The following WDR91 variants were observed in gnomAD, a reference collection of about 807,000 sequenced individuals.
WDR91 encodes WD repeat domain 91, also known as WD repeat-containing protein 91.
WDR91 carries 52 observed loss-of-function variants against 88.4 expected under a neutral mutation model. The observed-to-expected ratio is 0.59, with a 90% CI of 0.47 to 0.74. WDR91 has a LOEUF of 0.74. Ranked by LOEUF, WDR91 falls within the 30% of genes least tolerant of loss-of-function variation. The probability of loss-of-function intolerance (pLI) is 0.00; values close to 1 mark genes in which losing one functional copy is unlikely to be tolerated. For missense variants in WDR91, 824 were observed against 954.5 expected, an observed-to-expected ratio of 0.86 and a Z score of 1.80; for synonymous variants, 362 against 389.5, an observed-to-expected ratio of 0.93 and a Z score of 0.83.
chr7:135,208,095 G>A (rs1000243621), intron 3 of WDR91, among the ~76,000 whole-genome samples: 10 of 152,238 alleles, frequency 6.6e-5, no homozygotes, highest in African/African-American at 2.4e-4. Flanking sequence ...CCATGGGTGG[G>A]CCTCTAAACA....
chr7:135,194,004 A>C, intron 9 of WDR91: 1 of 277,150 alleles, frequency 3.6e-6, no homozygotes, highest in Non-Finnish European at 7.0e-6. Context: ...AGCTGTTGGA[A>C]CCCTTCCTTC....
At chr7:135,199,985 T>C (rs1368706078) in intron 6 of WDR91, 1 of 152,202 alleles carries the variant, frequency 6.6e-6, no homozygotes, top group African/African-American at 2.4e-5. Context: ...AAGGAAGGCA[T>C]CTGGTACAGA....
chr7:135,210,882 T>C (rs202137799), intron 1 of WDR91: 1 of 703,742 alleles, frequency 1.4e-6, no homozygotes, highest in Non-Finnish European at 2.6e-6. Context: ...GTTTCTCTAA[T>C]GTGCCATGAG....
chr7:135,186,337 G>A (rs759718551), intron 14 of WDR91, 22 bp from the exon 15 acceptor site: 8 of 1,607,236 alleles, frequency 5.0e-6, no homozygotes, highest in Non-Finnish European at 5.9e-6. Context: ...CAGGAAAGAG[G>A]AGGAGGTGTC....
chr7:135,186,947 C>A (rs1417803343), intron 14 of WDR91, 25 bp downstream of exon 14: 8 of 1,612,460 alleles, frequency 5.0e-6, no homozygotes, highest in South Asian at 3.3e-5. Flanking sequence ...AATACCACTA[C>A]CTCCCACCCC....
At position 135,208,921 on chromosome 7, in the gene WDR91, A is replaced by G. The variant is rs777846123; in HGVS notation, c.381T>C (p.Asp127=). 4 of 1,614,144 alleles carry G rather than the reference A, an allele frequency of 2.5e-6. No individual in the cohort carries two copies. Among genetic ancestry groups the G allele is most frequent in the South Asian group, 1.1e-5 (1 of 91,082 alleles). The change falls in exon 3 of 15, where the codon GAT becomes GAC. Residue 127 remains aspartate (D), a synonymous_variant. Transcript: ENST00000354475. ...ATGGCAGGAAGGGCAGGACAAACCAATCCTTCCACTCAGCCTGGTTCTGGA... is the reference window on the plus strand; with the variant it reads ...ATGGCAGGAAGGGCAGGACAAACCAGTCCTTCCACTCAGCCTGGTTCTGGA... The part of the protein sequence containing the change: ...TELQNQAEWK[D]WFVLPFLPSP...
intron 3 of WDR91, among the ~76,000 whole-genome samples, chr7:135,208,288 A>G (rs560276723): frequency 5.9e-5 from 9 of 152,286 alleles, no homozygotes; most frequent in African/African-American, 1.2e-4. Flanking sequence ...CCGCATATAT[A>G]TTCTTAAAGC....
At chr7:135,190,652 A>G (rs1831128785) in intron 11 of WDR91, among the ~76,000 whole-genome samples, 1 of 149,324 alleles carries the variant, frequency 6.7e-6, no homozygotes, top group Admixed American at 6.8e-5. Context: ...AAAATGAGAG[A>G]CTATAAACAC....
chr7:135,199,860 G>A (rs771962582), intron 6 of WDR91: 6 of 152,126 alleles, frequency 3.9e-5, no homozygotes, highest in Non-Finnish European at 8.8e-5. Context: ...GGAAGGAGGA[G>A]GCTTCGAATT....
At chr7:135,203,650 T>A (rs1831653463) in intron 6 of WDR91, among the ~76,000 whole-genome samples, 1 of 152,244 alleles carries the variant, frequency 6.6e-6, no homozygotes, top group Non-Finnish European at 1.5e-5. Flanking sequence ...AGCCAAACAC[T>A]ATTTTTATAT....
intron 6 of WDR91, chr7:135,200,113 T>C (rs1270789671): frequency 2.0e-5 from 3 of 152,238 alleles, no homozygotes; most frequent in Non-Finnish European, 2.9e-5. Flanking sequence ...CTTAAATCTA[T>C]GTTAATCACT....
chr7:135,206,113 G>A (rs1468231761), intron 4 of WDR91, 55 bp from the exon 5 acceptor site: 23 of 1,611,678 alleles, frequency 1.4e-5, no homozygotes, highest in South Asian at 7.7e-5. Context: ...TTCCCTCTGC[G>A]GAGGAAGATT....
chr7:135,187,475 G>A (rs1364410171), intron 13 of WDR91, among the ~76,000 whole-genome samples: 3 of 152,190 alleles, frequency 2.0e-5, no homozygotes, highest in East Asian at 1.9e-4. Flanking sequence ...CCCTAGGAGA[G>A]GAAAAGGGAC....
At chr7:135,186,444 G>C in intron 14 of WDR91, 129 bp from the exon 15 acceptor site, 2 of 1,056,472 alleles carry the variant, frequency 1.9e-6, no homozygotes, top group Non-Finnish European at 2.7e-6. Context: ...CAGAAAGTCT[G>C]TTTAACTTTT....
At chr7:135,186,806 C>A (rs1830960834) in intron 14 of WDR91, among the ~76,000 whole-genome samples, 166 bp downstream of exon 14, 1 of 152,240 alleles carries the variant, frequency 6.6e-6, no homozygotes, top group Non-Finnish European at 1.5e-5. Context: ...ACATGGCTCT[C>A]CTCTGAACCC....
intron 12 of WDR91, among the ~76,000 whole-genome samples, chr7:135,189,049 C>T (rs1313727128): frequency 2.0e-5 from 3 of 152,220 alleles, no homozygotes; most frequent in African/African-American, 4.8e-5. Context: ...GACAGCAGTA[C>T]TCTTGTATGC....
intron 5 of WDR91, among the ~76,000 whole-genome samples, chr7:135,204,989 G>C (rs1462253900): frequency 6.6e-6 from 1 of 152,034 alleles, no homozygotes; most frequent in East Asian, 1.9e-4. Context: ...ACCACCACTA[G>C]AGCTATTTCA....
At chr7:135,200,028 AC>A (rs1275347714) in intron 6 of WDR91, 1 of 152,274 alleles carries the variant, frequency 6.6e-6, no homozygotes, top group Admixed American at 6.5e-5. Context: ...AGGGCAGTTT[AC>A]GCCAAGACAG....
In WDR91 at chr7:135,185,351, T is replaced by C. The variant is rs1830897306; in HGVS notation, c.*800A>G. 1 of 152,204 alleles carries C rather than the reference T, an allele frequency of 6.6e-6. No individual in the cohort carries two copies. Among genetic ancestry groups the C allele is most frequent in the African/African-American group, 2.4e-5 (1 of 41,444 alleles). 9.4% of individuals were successfully genotyped at this position (152,204 alleles called of 1,614,324 possible). A position where few individuals can be genotyped will look rare whatever the true frequency, so the allele number is the denominator to read the frequency against. On this transcript the variant is annotated 3_prime_UTR_variant, in exon 15 of 15. Transcript: ENST00000354475. ...TGTTTAGACATGAGACCTACCAAGA[T>C]ACCTCATTATGTATATATGCAAATA...
Sources: gnomAD v4.1 joint callset for allele counts (sites outside exome capture counted in the v4.1 genomes callset) on GRCh38, gnomAD v4.1.1 for gene constraint, MANE v1.5 for transcripts, NCBI Gene and HGNC (gene_info 2026-07-23, HGNC 2026-07-21) for gene names.